Variants in PCDHA1 observed in about 807,000 individuals in gnomAD.
PCDHA1 encodes protocadherin alpha-1.
In PCDHA1, 42 loss-of-function variants were observed where a neutral mutation model predicts 61.3. That is an observed-to-expected ratio of 0.69 (90% confidence interval 0.54 to 0.89). PCDHA1 has a LOEUF of 0.89. Ranked by LOEUF, PCDHA1 falls within the 40% of genes least tolerant of loss-of-function variation. PCDHA1 has a pLI of 0.00. For missense variants in PCDHA1, 1,256 were observed against 1,235.3 expected, an observed-to-expected ratio of 1.02 and a Z score of -0.25; for synonymous variants, 610 against 553.8, an observed-to-expected ratio of 1.10 and a Z score of -1.43.
In PCDHA1 at chr5:140,857,981, C is replaced by T. The variant is rs377577023; in HGVS notation, c.2394+69297C>T. The T allele has an allele frequency of 2.5e-6, 4 of 1,596,862 alleles. 1 individual carries two copies. The highest frequency in any genetic ancestry group is 3.4e-6 in the Non-Finnish European group (4 of 1,167,208). The stretch of plus-strand genomic sequence containing the variant: ...GGATGAGACTGACTCGCCACGCCAG[C>T]GCCTACTGGTGCTGGTGAAGGACCA... On this transcript the variant is annotated intron_variant, in intron 1 of 3. Transcript: ENST00000504120.
chr5:140,828,521 G>A, intron 1 of PCDHA1: 1 of 1,614,218 alleles, frequency 6.2e-7, no homozygotes, highest in Non-Finnish European at 8.5e-7. Context: ...GCTGATTTAC[G>A]AATCTAGGCT....
chr5:140,843,688 A>T lies in PCDHA1; in HGVS notation c.2394+55004A>T, dbSNP rs181500612. 24 of 1,588,306 alleles carry T rather than the reference A, an allele frequency of 1.5e-5. 1 individual carries two copies. In the East Asian group the frequency reaches 4.7e-4, roughly 31 times the overall value. On this transcript the variant is annotated intron_variant, in intron 1 of 3. Transcript: ENST00000504120. The stretch of plus-strand genomic sequence containing the variant: ...GATCAGTTGATGTAGGCGAAGAGCA[A>T]GATTTAAATGTTGATCATGGCCTCA...
At chr5:140,937,769 G>A (rs908179495) in intron 1 of PCDHA1, among the ~76,000 whole-genome samples, 44 of 151,776 alleles carry the variant, frequency 2.9e-4, no homozygotes, top group African/African-American at 9.4e-4. Context: ...AAAATTAGTC[G>A]GGCGTGGTGG....
chr5:140,830,551 T>C, intron 1 of PCDHA1: 1 of 1,095,476 alleles, frequency 9.1e-7, no homozygotes, highest in African/African-American at 1.6e-5. Flanking sequence ...TCCTCATATT[T>C]GTCTTCTATA....
At chr5:140,848,345 G>A (rs1781463859) in intron 1 of PCDHA1, 3 of 918,556 alleles carry the variant, frequency 3.3e-6, no homozygotes, top group South Asian at 3.3e-5. Context: ...GACAAATACA[G>A]CCCTTTTCCC....
At chr5:140,852,883 G>C in intron 1 of PCDHA1, 1 of 933,168 alleles carries the variant, frequency 1.1e-6, no homozygotes. Flanking sequence ...ATCATAAAAC[G>C]TATTTTTTTT....
intron 1 of PCDHA1, chr5:140,848,650 T>C (rs1343958164): frequency 6.3e-6 from 10 of 1,592,776 alleles, no homozygotes; most frequent in Non-Finnish European, 8.6e-6. Flanking sequence ...GCGCAGGACC[T>C]GGGGCTGGAG....
At position 140,868,885 on chromosome 5, in the gene PCDHA1, T is replaced by C. The variant is rs559907492; in HGVS notation, c.2394+80201T>C. 56 of 733,832 alleles carry C rather than the reference T, an allele frequency of 7.6e-5. 1 individual carries two copies. The highest frequency in any genetic ancestry group is 1.1e-4 in the Non-Finnish European group (52 of 469,948). The allele number at this position is 733,832 out of a possible 1,614,324, so 45.5% of individuals were successfully genotyped here. A position where few individuals can be genotyped will look rare whatever the true frequency, so the allele number is the denominator to read the frequency against. On this transcript the variant is annotated intron_variant, in intron 1 of 3. Transcript: ENST00000504120. ...ATGCAGTGCACAGTACTCACAGTTTTAGGCGCAAGGTGTCGCTCTTTACTT... is the reference window on the plus strand; with the variant it reads ...ATGCAGTGCACAGTACTCACAGTTTCAGGCGCAAGGTGTCGCTCTTTACTT...
rs782675880 is a variant in PCDHA1, at chr5:140,787,698, C to T, written c.1408C>T (p.Pro470Ser). 17 of 1,613,942 alleles carry T rather than the reference C, an allele frequency of 1.1e-5. No homozygotes were observed. In the Admixed American group the frequency reaches 2.8e-4, roughly 27 times the overall value. Reference protein sequence around the residue: ...YTVFVKENNPPGCHIFTVSAR... With the variant: ...YTVFVKENNPSGCHIFTVSAR... Reference sequence around the variant, plus strand: ...AGTATTCGTGAAGGAGAACAACCCGCCGGGCTGCCACATCTTCACGGTGTC... The same window carrying T: ...AGTATTCGTGAAGGAGAACAACCCGTCGGGCTGCCACATCTTCACGGTGTC... The change falls in exon 1 of 4, where the codon CCG becomes TCG. Residue 470 changes from proline (P) to serine (S), a missense_variant. Physicochemically the swap from Pro to Ser is moderately conservative, Grantham distance 74 (BLOSUM62 -1). Transcript: ENST00000504120.
intron 1 of PCDHA1, chr5:140,797,178 G>A: frequency 3.7e-6 from 6 of 1,614,154 alleles, no homozygotes; most frequent in Non-Finnish European, 4.2e-6. Context: ...GAAAGCCCAC[G>A]CTGGTGTGCT....
At position 140,928,807 on chromosome 5, in the gene PCDHA1, C is replaced by T. The variant is rs782261335; in HGVS notation, c.2395-50142C>T. 6.2e-6 allele frequency: 10 copies of T among 1,614,094 alleles called. No homozygotes were observed. Among genetic ancestry groups the T allele is most frequent in the Non-Finnish European group, 8.5e-6 (10 of 1,180,020 alleles). On this transcript the variant is annotated intron_variant, in intron 1 of 3. Coordinates refer to ENST00000504120, the MANE Select transcript of PCDHA1 (RefSeq NM_018900.4). ...TAAGCAGAGGGTGGTGGTAGTGGTT[C>T]GGGACCATGGAGACCCACCACTTTC...
Position 140,845,842 on chromosome 5 carries a change from G to T in PCDHA1, c.2394+57158G>T, listed in dbSNP as rs2150381678. Among the ~76,000 whole-genome samples the T allele has an allele frequency of 1.3e-5, 2 of 149,848 alleles. 1 individual carries two copies. The highest frequency in any genetic ancestry group is 6.9e-3 in the Middle Eastern group (2 of 290). On this transcript the variant is annotated intron_variant, in intron 1 of 3. Transcript: ENST00000504120. ...AATTTAGTTATTACCATTCTTAAGA[G>T]AAAAGAAGTTAGTGATTGCAGAAAG...
intron 1 of PCDHA1, chr5:140,801,927 A>T (rs374257547): frequency 6.2e-7 from 1 of 1,614,214 alleles, no homozygotes; most frequent in South Asian, 1.1e-5. Flanking sequence ...AGCGTTTGAG[A>T]GGACGATCTA....
chr5:140,852,012 T>C (rs2042217314), intron 1 of PCDHA1: 1 of 965,684 alleles, frequency 1.0e-6, no homozygotes, highest in East Asian at 1.1e-4. Context: ...TAATTTATAG[T>C]TTTAAAAACT....
At chr5:140,908,895 G>A (rs1381470212) in intron 1 of PCDHA1, among the ~76,000 whole-genome samples, 1 of 152,158 alleles carries the variant, frequency 6.6e-6, no homozygotes, top group Non-Finnish European at 1.5e-5. Flanking sequence ...TCCCAAATAA[G>A]CCTCTTTCGT....
intron 1 of PCDHA1, chr5:140,967,407 G>A: frequency 6.2e-7 from 1 of 1,613,098 alleles, no homozygotes; most frequent in South Asian, 1.1e-5. Context: ...CTGCGTAAGG[G>A]CCTAGACCGG....
intron 1 of PCDHA1, chr5:140,821,648 A>AT: frequency 9.2e-7 from 1 of 1,086,806 alleles, no homozygotes; most frequent in East Asian, 2.6e-5. Context: ...AGAACCTTCC[A>AT]TTTTTGGCTG....
intron 1 of PCDHA1, chr5:140,841,257 C>T: frequency 1.3e-6 from 2 of 1,515,268 alleles, no homozygotes; most frequent in Non-Finnish European, 1.8e-6. Context: ...TTAAAAGACT[C>T]TGAAAGTACA....
At chr5:140,796,485 C>T (rs1762090999) in intron 1 of PCDHA1, 4 of 1,612,184 alleles carry the variant, frequency 2.5e-6, no homozygotes, top group Non-Finnish European at 2.5e-6. Flanking sequence ...TGTCGAGCTA[C>T]GTTTCGGTGC....
Sources: allele counts gnomAD v4.1 joint callset (sites outside exome capture counted in the v4.1 genomes callset), GRCh38; gene constraint gnomAD v4.1.1; transcripts MANE v1.5; gene names NCBI Gene and HGNC (gene_info 2026-07-23, HGNC 2026-07-21).